SNAPC3: variants seen among roughly 807,000 people sequenced by gnomAD.
The protein encoded by SNAPC3 is small nuclear RNA activating complex polypeptide 3, also known as snRNA-activating protein complex subunit 3.
A neutral mutation model predicts 47.7 loss-of-function variants in SNAPC3; 56 were observed. The ratio of observed to expected loss-of-function variants is 1.18; its 90% confidence interval spans 0.95 to 1.47. The LOEUF is 1.47. Ranked by LOEUF, SNAPC3 falls within the 40% of genes most tolerant of loss-of-function variation. The pLI is 0.00. For synonymous variants in SNAPC3, 235 were observed against 189.9 expected, an observed-to-expected ratio of 1.24 and a Z score of -1.95; for missense variants, 665 against 511.3, an observed-to-expected ratio of 1.30 and a Z score of -2.90.
Position 15,447,231 on chromosome 9 carries a change from A to G in SNAPC3, c.719A>G (p.Glu240Gly). 1.9e-6 allele frequency: 3 copies of G among 1,614,118 alleles called. No homozygotes were observed. The highest frequency in any genetic ancestry group is 1.3e-5 in the African/African-American group (1 of 75,052). ...EFSNTPDQAP[E>G]HISKDLYKSA... is the part of the protein sequence containing the mutation. Reference sequence around the variant, plus strand: ...AGCAACACTCCTGACCAAGCCCCTGAGCACATCAGCAAAGTAAGGTGATTT... The same window carrying G: ...AGCAACACTCCTGACCAAGCCCCTGGGCACATCAGCAAAGTAAGGTGATTT... Residue 240 changes from glutamate to glycine, a missense_variant, in exon 5 of 9, where the codon GAG (glutamate) becomes GGG (glycine). By Grantham distance (98) the Glu-to-Gly change is moderately conservative (BLOSUM62 -2). Coordinates refer to ENST00000380821, the MANE Select transcript of SNAPC3 (RefSeq NM_001039697.2).
downstream of SNAPC3, chr9:15,461,929 G>T (rs939807408): frequency 3.9e-5 from 6 of 152,076 alleles, no homozygotes; most frequent in South Asian, 8.3e-4. Flanking sequence ...TGCTAAAATT[G>T]AGCAGATTGA....
downstream of SNAPC3, chr9:15,465,370 C>T (rs754121357): frequency 1.5e-6 from 1 of 654,782 alleles, no homozygotes; most frequent in South Asian, 2.0e-5. Context: ...ATAATGTTTA[C>T]TTTACTTTAA....
intron 3 of SNAPC3, among the ~76,000 whole-genome samples, chr9:15,442,073 AC>A (rs2033453282): frequency 7.4e-6 from 1 of 135,182 alleles, no homozygotes; most frequent in African/African-American, 2.9e-5. Context: ...CTGCCCCCCA[AC>A]CTCCCTCCCG....
chr9:15,425,642 A>T (rs544210630), intron 2 of SNAPC3, among the ~76,000 whole-genome samples: 1 of 152,214 alleles, frequency 6.6e-6, no homozygotes, highest in Non-Finnish European at 1.5e-5. Context: ...TGAAGGCTCA[A>T]TGAGAGTCCA....
intron 3 of SNAPC3, 79 bp from the exon 4 acceptor site, chr9:15,444,523 T>TTGC (rs2033768275): frequency 5.7e-6 from 5 of 871,962 alleles, no homozygotes; most frequent in Non-Finnish European, 9.3e-6. Flanking sequence ...ACTCGATCCC[T>TTGC]TGCTGATAGC....
intron 2 of SNAPC3, among the ~76,000 whole-genome samples, chr9:15,425,957 G>A (rs1472990220): frequency 6.6e-6 from 1 of 152,198 alleles, no homozygotes; most frequent in Non-Finnish European, 1.5e-5. Flanking sequence ...CGCCTCCTAG[G>A]TTCAAGTGAT....
chr9:15,449,458 G>T (rs1205552234), intron 5 of SNAPC3, among the ~76,000 whole-genome samples: 1 of 147,672 alleles, frequency 6.8e-6, no homozygotes, highest in East Asian at 2.0e-4. Context: ...TTTTAAGCAG[G>T]GATTAAATAA....
intron 2 of SNAPC3, among the ~76,000 whole-genome samples, chr9:15,426,573 G>T (rs889957250): frequency 1.3e-5 from 2 of 152,146 alleles, no homozygotes; most frequent in East Asian, 3.8e-4. Context: ...GAAGACTCAG[G>T]AAGTGATTTT....
In SNAPC3 at chr9:15,433,606, C is replaced by G; in HGVS notation, c.447C>G (p.Ala149=). 6.2e-7 allele frequency: 1 copy of G among 1,609,102 alleles called. No individual in the cohort carries two copies. Among genetic ancestry groups the G allele is most frequent in the Non-Finnish European group, 8.5e-7 (1 of 1,176,684 alleles). The change falls in exon 3 of 9, where the codon GCC becomes GCG. Residue 149 remains alanine, a synonymous_variant. Coordinates refer to ENST00000380821, the MANE Select transcript of SNAPC3 (RefSeq NM_001039697.2). ...AAGAAACCATTACAATAGATCGAGC[C>G]TGCAGACAAGAAACATTCGTTTATG... ...HREETITIDR[A]CRQETFVYEM...
At chr9:15,425,010 C>G (rs1434678097) in intron 2 of SNAPC3, among the ~76,000 whole-genome samples, 3 of 152,170 alleles carry the variant, frequency 2.0e-5, no homozygotes, top group Admixed American at 1.3e-4. Flanking sequence ...ATGCTGTCGC[C>G]TGAGCAAGCC....
At chr9:15,424,598 T>G (rs1021823872) in intron 2 of SNAPC3, among the ~76,000 whole-genome samples, 1 of 152,238 alleles carries the variant, frequency 6.6e-6, no homozygotes, top group African/African-American at 2.4e-5. Flanking sequence ...TATTCAATGA[T>G]AATGGAAGTT....
chr9:15,436,124 G>A (rs139512829), intron 3 of SNAPC3, among the ~76,000 whole-genome samples: 14 of 152,318 alleles, frequency 9.2e-5, no homozygotes, highest in African/African-American at 3.1e-4. Context: ...GATTACAGGC[G>A]TGGGCAACCA....
At chr9:15,426,273 C>G (rs768789435) in intron 2 of SNAPC3, among the ~76,000 whole-genome samples, 30 of 152,172 alleles carry the variant, frequency 2.0e-4, no homozygotes, top group Admixed American at 3.9e-4. Context: ...GTCATTCTTG[C>G]TTATCTCCTG....
intron 2 of SNAPC3, among the ~76,000 whole-genome samples, chr9:15,427,794 A>G (rs1315665738): frequency 6.6e-6 from 1 of 152,228 alleles, no homozygotes; most frequent in African/African-American, 2.4e-5. Context: ...CTGCAAAAAC[A>G]AAAAACAAAA....
chr9:15,446,952 G>T (rs1350840319), intron 4 of SNAPC3, 143 bp from the exon 5 acceptor site: 1 of 745,858 alleles, frequency 1.3e-6, no homozygotes, highest in Non-Finnish European at 2.3e-6. Flanking sequence ...ATAATTATTG[G>T]ATGTGAAAAT....
At chr9:15,428,037 G>A (rs1366635093) in intron 2 of SNAPC3, among the ~76,000 whole-genome samples, 1 of 150,806 alleles carries the variant, frequency 6.6e-6, no homozygotes, top group Non-Finnish European at 1.5e-5. Context: ...CTTGAACCCG[G>A]GAGGTGGAGG....
At chr9:15,444,006 C>T (rs2033727401) in intron 3 of SNAPC3, among the ~76,000 whole-genome samples, 8 of 152,212 alleles carry the variant, frequency 5.3e-5, no homozygotes. Context: ...CCTGGAGCTG[C>T]CTACTCTATT....
At chr9:15,441,597 C>T (rs539492474) in intron 3 of SNAPC3, among the ~76,000 whole-genome samples, 6 of 151,634 alleles carry the variant, frequency 4.0e-5, no homozygotes, top group African/African-American at 1.2e-4. Flanking sequence ...GGTGATGACT[C>T]TTAAGGAGCA....
downstream of SNAPC3, chr9:15,463,437 C>G (rs1458420989): frequency 3.0e-5 from 4 of 132,726 alleles, no homozygotes; most frequent in African/African-American, 1.1e-4. Context: ...CGTACATACA[C>G]ACACATACCA....
Sources: allele counts gnomAD v4.1 joint callset (sites outside exome capture counted in the v4.1 genomes callset), GRCh38; gene constraint gnomAD v4.1.1; transcripts MANE v1.5; gene names NCBI Gene and HGNC (gene_info 2026-07-23, HGNC 2026-07-21).